RNF130: variants seen among roughly 807,000 people sequenced by gnomAD.
RNF130 encodes E3 ubiquitin-protein ligase RNF130.
In RNF130, 21 loss-of-function variants were observed where a neutral mutation model predicts 44.6. That is an observed-to-expected ratio of 0.47 (90% CI 0.33 to 0.68). The LOEUF (loss-of-function observed/expected upper bound fraction) is 0.68. Ranked by LOEUF, RNF130 falls within the 30% of genes least tolerant of loss-of-function variation. The pLI is 0.02. For missense variants in RNF130, 479 were observed against 560.6 expected, an observed-to-expected ratio of 0.85 and a Z score of 1.47; for synonymous variants, 214 against 210.4, an observed-to-expected ratio of 1.02 and a Z score of -0.15.
At chr5:179,960,381 T>C (rs557578875) in intron 8 of RNF130, among the ~76,000 whole-genome samples, 1 of 152,368 alleles carries the variant, frequency 6.6e-6, no homozygotes, top group East Asian at 1.9e-4. Flanking sequence ...AAATAAACAG[T>C]ATTTCATCAT....
downstream of RNF130, among the ~76,000 whole-genome samples, chr5:179,953,574 TG>T (rs1762157694): frequency 6.6e-6 from 1 of 152,118 alleles, no homozygotes; most frequent in South Asian, 2.1e-4. Flanking sequence ...AATATCCACA[TG>T]CAAAAGAATG....
chr5:180,030,297 CTG>C (rs1379934863), intron 2 of RNF130, among the ~76,000 whole-genome samples: 1 of 152,086 alleles, frequency 6.6e-6, no homozygotes, highest in African/African-American at 2.4e-5. Flanking sequence ...CAACTGAAAC[CTG>C]TTTCAGTTTA....
chr5:180,058,632 T>C (rs1164601331), intron 1 of RNF130, among the ~76,000 whole-genome samples: 1 of 151,228 alleles, frequency 6.6e-6, no homozygotes, highest in Non-Finnish European at 1.5e-5. Context: ...CTCGGCTCAC[T>C]ACAACCTCTG....
intron 8 of RNF130, among the ~76,000 whole-genome samples, chr5:179,960,604 C>T (rs1762305314): frequency 6.6e-6 from 1 of 152,174 alleles, no homozygotes; most frequent in Admixed American, 6.5e-5. Flanking sequence ...GACATCTTGC[C>T]CACAGGGTTT....
At position 179,994,163 on chromosome 5, in the gene RNF130, G is replaced by A. The variant is rs571144176; in HGVS notation, c.694-13963C>T. Among the ~76,000 whole-genome samples the A allele has an allele frequency of 2.4e-4, 37 of 152,286 alleles. No individual in the cohort carries two copies. In the South Asian group the frequency reaches 6.8e-3, roughly 28 times the overall value. ...ATAGTTTGAAGTCAGGTAGCATGAC[G>A]CCTCCAGTTTTGTTCTTTTGGCTTA... On this transcript the variant is annotated intron_variant, in intron 3 of 8. Transcript: ENST00000521389.
chr5:179,978,317 C>T, intron 4 of RNF130, 32 bp from the exon 5 acceptor site: 1 of 1,440,144 alleles, frequency 6.9e-7, no homozygotes, highest in East Asian at 2.3e-5. Flanking sequence ...CAAAAAGTCA[C>T]ACGCTGCAAG....
chr5:179,980,193 AGAC>A lies in RNF130; in HGVS notation c.698_700del (p.Arg233del). 2.5e-6 allele frequency: 4 copies of A among 1,614,102 alleles called. No homozygotes were observed. The highest frequency in any genetic ancestry group is 3.4e-6 in the Non-Finnish European group (4 of 1,179,976). Reference sequence around the variant, plus strand: ...GATGGCTTTCTTGGCTGCATCTCCGAGACGACGCTATGAAAATTGCAAATAAAA... The same window carrying A: ...GATGGCTTTCTTGGCTGCATCTCCGAGACGCTATGAAAATTGCAAATAAAA... On this transcript the variant is annotated inframe_deletion, in exon 4 of 9. Transcript: ENST00000521389.
intron 3 of RNF130, among the ~76,000 whole-genome samples, chr5:180,005,024 A>C (rs759836001): frequency 6.6e-6 from 1 of 151,990 alleles, no homozygotes; most frequent in Non-Finnish European, 1.5e-5. Flanking sequence ...ACATAACCTT[A>C]TTTTATTAAT....
At chr5:180,001,867 G>A (rs74752505) in intron 3 of RNF130, among the ~76,000 whole-genome samples, 2,186 of 152,290 alleles carry the variant, frequency 0.014, 54 homozygotes, top group African/African-American at 0.049. Flanking sequence ...GTTCAAGCAA[G>A]CAGGGTACTA....
At chr5:180,016,464 C>T (rs1478389992) in intron 2 of RNF130, among the ~76,000 whole-genome samples, 2 of 152,192 alleles carry the variant, frequency 1.3e-5, no homozygotes, top group African/African-American at 2.4e-5. Context: ...GGACATGCCC[C>T]ACCACTCCCA....
intron 7 of RNF130, among the ~76,000 whole-genome samples, chr5:179,933,619 T>G (rs1298095375): frequency 6.6e-6 from 1 of 151,794 alleles, no homozygotes; most frequent in African/African-American, 2.4e-5. Context: ...CTTCCCGGGC[T>G]CAGGTGATTC....
At chr5:179,930,986 T>G (rs1761799383) in intron 7 of RNF130, among the ~76,000 whole-genome samples, 1 of 143,348 alleles carries the variant, frequency 7.0e-6, no homozygotes, top group Non-Finnish European at 1.5e-5. Context: ...TGAGCTGAGA[T>G]TGCACCACTG....
In RNF130 at chr5:180,071,744, G is replaced by C. The variant is rs1765278532; in HGVS notation, c.-42C>G. The C allele has an allele frequency of 8.7e-7, 1 of 1,155,704 alleles. No individual in the cohort carries two copies. Among genetic ancestry groups the C allele is most frequent in the Non-Finnish European group, 1.1e-6 (1 of 940,626 alleles). 71.6% of individuals were successfully genotyped at this position (1,155,704 alleles called of 1,614,324 possible). On this transcript the variant is annotated 5_prime_UTR_variant, in exon 1 of 9. Coordinates refer to ENST00000521389, the MANE Select transcript of RNF130 (RefSeq NM_018434.6). ...GCCGCTGCTCGCGGACCGGGCTCCG[G>C]GGCCGGCGCCTAGAGGCGGGGCGGG...
intron 1 of RNF130, among the ~76,000 whole-genome samples, chr5:180,045,201 G>A (rs1222803448): frequency 2.0e-5 from 3 of 152,192 alleles, no homozygotes; most frequent in African/African-American, 7.2e-5. Context: ...GAATATTCAG[G>A]TAAGAATAGT....
At chr5:180,069,161 TAA>T (rs1338024623) in intron 1 of RNF130, among the ~76,000 whole-genome samples, 1 of 152,254 alleles carries the variant, frequency 6.6e-6, no homozygotes, top group Non-Finnish European at 1.5e-5. Flanking sequence ...AGATTTCATA[TAA>T]ACCCATAGGT....
chr5:179,913,736 C>G (rs1238803836), exon 8 of RNF130: 1 of 152,234 alleles, frequency 6.6e-6, no homozygotes, highest in East Asian at 1.9e-4. Flanking sequence ...CCCAGAGGAG[C>G]TTCGTGGCTA....
rs538214716 is a variant in RNF130, at chr5:180,059,068, G to T, written c.247+12388C>A. On this transcript the variant is annotated intron_variant, in intron 1 of 8. Transcript: ENST00000521389. ...ATATAAAGTCCAAAATCCTAACAAG[G>T]CCTGGAAAACACTGACTTTTTCAAC... Among the ~76,000 whole-genome samples the T allele has an allele frequency of 4.6e-5, 7 of 152,072 alleles. No individual in the cohort carries two copies. The East Asian group carries it at 9.7e-4, about 21-fold the overall frequency.
At chr5:180,000,047 G>C (rs569450393) in intron 3 of RNF130, among the ~76,000 whole-genome samples, 1 of 152,202 alleles carries the variant, frequency 6.6e-6, no homozygotes, top group South Asian at 2.1e-4. Flanking sequence ...TCATACTCCT[G>C]CATGTTTTCC....
At chr5:180,063,076 T>A (rs1561713595) in intron 1 of RNF130, among the ~76,000 whole-genome samples, 2 of 152,116 alleles carry the variant, frequency 1.3e-5, no homozygotes, top group Non-Finnish European at 2.9e-5. Flanking sequence ...AGTGAACACC[T>A]CATACTGCAC....
Sources: gnomAD v4.1 joint callset for allele counts (sites outside exome capture counted in the v4.1 genomes callset) on GRCh38, gnomAD v4.1.1 for gene constraint, MANE v1.5 for transcripts, NCBI Gene and HGNC (gene_info 2026-07-23, HGNC 2026-07-21) for gene names.